Variants in AFG1L observed in about 807,000 individuals in gnomAD.
AFG1L encodes the protein AFG1-like ATPase.
AFG1L carries 53 observed loss-of-function variants against 62.2 expected under a neutral mutation model. That is an observed-to-expected ratio of 0.85 (90% confidence interval 0.68 to 1.07). The LOEUF (loss-of-function observed/expected upper bound fraction) is 1.07, where lower values mean the gene tolerates loss of function less well. AFG1L is among the 50% of genes least tolerant of loss of function. The probability of loss-of-function intolerance (pLI) is 0.00; values close to 1 mark genes in which losing one functional copy is unlikely to be tolerated. For missense variants in AFG1L, 555 were observed against 590.5 expected, an observed-to-expected ratio of 0.94 and a Z score of 0.62; for synonymous variants, 228 against 210.3, an observed-to-expected ratio of 1.08 and a Z score of -0.73.
intron 11 of AFG1L, among the ~76,000 whole-genome samples, chr6:108,513,289 C>T (rs113911806): frequency 9.2e-5 from 14 of 152,118 alleles, no homozygotes; most frequent in African/African-American, 2.7e-4. Flanking sequence ...TGCAGCGCAC[C>T]GAGCATGAGC....
At chr6:108,414,686 A>G (rs565481766) in intron 7 of AFG1L, among the ~76,000 whole-genome samples, 49 of 152,232 alleles carry the variant, frequency 3.2e-4, no homozygotes, top group Non-Finnish European at 5.9e-4. Flanking sequence ...GATTATCTCA[A>G]TAGTTGCAGA....
At chr6:108,342,292 C>G (rs1778711270) in intron 2 of AFG1L, among the ~76,000 whole-genome samples, 1 of 152,110 alleles carries the variant, frequency 6.6e-6, no homozygotes, top group African/African-American at 2.4e-5. Context: ...GAGAAGGCAT[C>G]AGGGGAGGGG....
At chr6:108,416,222 A>G (rs1770264461) in intron 7 of AFG1L, among the ~76,000 whole-genome samples, 1 of 152,240 alleles carries the variant, frequency 6.6e-6, no homozygotes, top group Non-Finnish European at 1.5e-5. Flanking sequence ...CCACAAAGAG[A>G]TACCATCTCA....
In AFG1L at chr6:108,356,694, A is replaced by G. The variant is rs1056436449; in HGVS notation, c.522A>G (p.Ile174Met). The G allele has an allele frequency of 6.2e-7, 1 of 1,602,498 alleles. No individual in the cohort carries two copies. Among genetic ancestry groups the G allele is most frequent in the Non-Finnish European group, 8.5e-7 (1 of 1,174,228 alleles). Residue 174 changes from isoleucine (I) to methionine (M), a missense_variant, in exon 5 of 13, where the codon ATA (isoleucine) becomes ATG (methionine). Ile to Met is a conservative substitution (Grantham distance 10). Coordinates refer to ENST00000368977, the MANE Select transcript of AFG1L (RefSeq NM_145315.5). ...HGFMLDVHKR[I>M]HRLKQSLPKR... ...GTTTAATTTCATGCATTTAAGGAAT[A>G]CATCGCCTTAAACAGAGTTTGCCAA...
chr6:108,375,758 G>A (rs1426202698), intron 6 of AFG1L, among the ~76,000 whole-genome samples: 1 of 151,922 alleles, frequency 6.6e-6, no homozygotes, highest in African/African-American at 2.4e-5. Context: ...TGGTATCTGT[G>A]CCCATCAGGG....
At chr6:108,452,723 G>C (rs1408928270) in intron 8 of AFG1L, among the ~76,000 whole-genome samples, 1 of 152,206 alleles carries the variant, frequency 6.6e-6, no homozygotes, top group Non-Finnish European at 1.5e-5. Context: ...ACAGATAGCA[G>C]TATGAGCATT....
Position 108,402,021 on chromosome 6 carries a change from A to G in AFG1L, c.774A>G (p.Arg258=). Reference sequence around the variant, plus strand: ...ATCTCTATAAAAATGGACTCCAAAGAGCTAACTTTGTACCATTCATAGCAG... The same window carrying G: ...ATCTCTATAAAAATGGACTCCAAAGGGCTAACTTTGTACCATTCATAGCAG... The part of the protein sequence containing the change: ...PEDLYKNGLQ[R]ANFVPFIAVL... Residue 258 remains arginine (R), a synonymous_variant, in exon 7 of 13, where the codon AGA becomes AGG. Coordinates refer to ENST00000368977, the MANE Select transcript of AFG1L (RefSeq NM_145315.5). 7 of 1,520,458 alleles carry G rather than the reference A, an allele frequency of 4.6e-6. 1 individual carries two copies. In the South Asian group the frequency reaches 7.6e-5, roughly 17 times the overall value. 94.2% of individuals were successfully genotyped at this position (1,520,458 alleles called of 1,614,324 possible).
chr6:108,354,148 G>A (rs1207189341), intron 3 of AFG1L, among the ~76,000 whole-genome samples: 2 of 152,118 alleles, frequency 1.3e-5, no homozygotes, highest in Non-Finnish European at 2.9e-5. Flanking sequence ...CCACTGACCC[G>A]AATGCCCTAG....
chr6:108,374,320 T>C (rs1320469950), intron 6 of AFG1L, among the ~76,000 whole-genome samples: 3 of 152,226 alleles, frequency 2.0e-5, no homozygotes, highest in Admixed American at 6.5e-5. Flanking sequence ...GCTTTTACTG[T>C]GCAGAAGTTC....
chr6:108,392,323 C>CA (rs1270583053), intron 6 of AFG1L: 1 of 152,054 alleles, frequency 6.6e-6, no homozygotes, highest in Non-Finnish European at 1.5e-5. Flanking sequence ...GTTTCATGCA[C>CA]AAAATTATTA....
intron 2 of AFG1L, among the ~76,000 whole-genome samples, chr6:108,337,288 C>T (rs1433216163): frequency 1.3e-5 from 2 of 152,190 alleles, no homozygotes; most frequent in Admixed American, 1.3e-4. Flanking sequence ...TTTGAGTTTG[C>T]TGCAGTGCCC....
At chr6:108,311,032 A>G (rs1390658923) in intron 1 of AFG1L, among the ~76,000 whole-genome samples, 1 of 152,146 alleles carries the variant, frequency 6.6e-6, no homozygotes, top group Non-Finnish European at 1.5e-5. Context: ...TTTTGGCTTA[A>G]GAGAAGGCAT....
chr6:108,525,968 G>A lies in AFG1L; in HGVS notation c.*3543G>A, dbSNP rs1452045645. ...AATCTGTCTTGCAGCAAGTCTGTAA[G>A]TTACCTTTATTAGATTTACTAATCT... On this transcript the variant is annotated 3_prime_UTR_variant, in exon 13 of 13. Coordinates refer to ENST00000368977, the MANE Select transcript of AFG1L (RefSeq NM_145315.5). 1 of 152,202 alleles carries A rather than the reference G, an allele frequency of 6.6e-6. No individual in the cohort carries two copies. Among genetic ancestry groups the A allele is most frequent in the Non-Finnish European group, 1.5e-5 (1 of 68,038 alleles). The allele number at this position is 152,202 out of a possible 1,614,324, so 9.4% of individuals were successfully genotyped here.
chr6:108,352,503 A>T (rs187468939), intron 3 of AFG1L, among the ~76,000 whole-genome samples: 1 of 152,298 alleles, frequency 6.6e-6, no homozygotes, highest in East Asian at 1.9e-4. Context: ...ACTTATAACA[A>T]TGTAAATGGT....
chr6:108,297,762 G>A (rs1290102238), intron 1 of AFG1L, among the ~76,000 whole-genome samples: 1 of 151,644 alleles, frequency 6.6e-6, no homozygotes, highest in African/African-American at 2.4e-5. Flanking sequence ...GGCTGAGGTG[G>A]GAGGATCACT....
chr6:108,319,881 C>A, intron 1 of AFG1L: 1 of 321,260 alleles, frequency 3.1e-6, no homozygotes, highest in Non-Finnish European at 6.3e-6. Flanking sequence ...CCCTTTTCTG[C>A]ACATTATTTG....
At chr6:108,470,014 A>AT (rs1184534275) in intron 8 of AFG1L, among the ~76,000 whole-genome samples, 1 of 152,194 alleles carries the variant, frequency 6.6e-6, no homozygotes, top group Non-Finnish European at 1.5e-5. Context: ...TCACCTGTAC[A>AT]TTCAGCTGTA....
intron 1 of AFG1L, among the ~76,000 whole-genome samples, chr6:108,306,478 A>G (rs532944510): frequency 1.3e-5 from 2 of 152,156 alleles, no homozygotes; most frequent in Non-Finnish European, 2.9e-5. Context: ...TTAACATATC[A>G]AGACTGATAA....
chr6:108,433,654 G>A (rs200055705), intron 7 of AFG1L, among the ~76,000 whole-genome samples: 5 of 151,952 alleles, frequency 3.3e-5, no homozygotes, highest in South Asian at 2.1e-4. Flanking sequence ...GTGCAGTGGC[G>A]CGATCTCAGC....
Sources: gnomAD v4.1 joint callset for allele counts (sites outside exome capture counted in the v4.1 genomes callset) on GRCh38, gnomAD v4.1.1 for gene constraint, MANE v1.5 for transcripts, NCBI Gene and HGNC (gene_info 2026-07-23, HGNC 2026-07-21) for gene names.